The following ABR variants were observed in gnomAD, a reference collection of about 807,000 sequenced individuals.
ABR encodes active breakpoint cluster region-related protein.
In ABR, 35 loss-of-function variants were observed where a neutral mutation model predicts 107.2. The ratio of observed to expected loss-of-function variants is 0.33; its 90% confidence interval spans 0.25 to 0.43. The LOEUF (loss-of-function observed/expected upper bound fraction) is 0.43, where lower values mean the gene tolerates loss of function less well. Among genes scored for constraint, ABR ranks in the 20% least tolerant of loss-of-function variants. The pLI is 1.00. For synonymous variants in ABR, 498 were observed against 462.0 expected (o/e 1.08, Z -1.00); for missense variants, 815 against 1,115.2 (o/e 0.73, Z 3.83).
rs376436460 is a variant in ABR, at chr17:1,011,815, C to T, written c.2101+31G>A. ...CCACCAGCCTGCTCAGACACAGCCA[C>T]ACCTGCCCCGGCTGGGCCTCCCAGA... On this transcript the variant is annotated intron_variant, in intron 19 of 22. Transcript: ENST00000302538. This position sits in a 1 kb window ranked among gnomAD's most constrained non-coding sequence, Gnocchi z 4.8. 4.6e-4 allele frequency: 710 copies of T among 1,551,306 alleles called. 6 individuals are homozygous for T. The highest frequency in any genetic ancestry group is 3.8e-3 in the South Asian group (314 of 81,794).
chr17:1,107,722 C>T (rs2151380110), intron 2 of ABR, among the ~76,000 whole-genome samples: 1 of 152,304 alleles, frequency 6.6e-6, no homozygotes, highest in Non-Finnish European at 1.5e-5. Flanking sequence ...TCCCTGAGCC[C>T]ACGGGGAGAC....
chr17:1,144,360 C>A (rs528095985), intron 1 of ABR, among the ~76,000 whole-genome samples: 1 of 152,062 alleles, frequency 6.6e-6, no homozygotes, highest in East Asian at 1.9e-4. Context: ...AGCTCCGTTA[C>A]GAGTCGCCCA....
chr17:1,139,553 G>GTT (rs142898332), intron 1 of ABR, among the ~76,000 whole-genome samples: 44 of 149,952 alleles, frequency 2.9e-4, no homozygotes, highest in East Asian at 5.9e-4. Flanking sequence ...TGCCCGGCCT[G>GTT]TTTTTTTTTT....
chr17:1,049,998 G>C, intron 16 of ABR, 52 bp downstream of exon 16: 1 of 1,569,054 alleles, frequency 6.4e-7, no homozygotes, highest in Non-Finnish European at 8.6e-7. Context: ...CTTTTCAACT[G>C]GAACCACCTC....
chr17:1,179,487 G>T lies in ABR; in HGVS notation c.61+180C>A, dbSNP rs961801747. Among the ~76,000 whole-genome samples, 1 of 149,750 alleles carries T rather than the reference G, an allele frequency of 6.7e-6. No homozygotes were observed. Among genetic ancestry groups the T allele is most frequent in the Non-Finnish European group, 1.5e-5 (1 of 67,470 alleles). ...GCTCCTGGGTCCCGACCCCGATCCC[G>T]ATTCCCAACCCGACCCCGATCCGGA... is the stretch of plus-strand genomic sequence containing the variant. On this transcript the variant is annotated intron_variant, in intron 1 of 22. Transcript: ENST00000302538. The surrounding 1 kb of genome is among the most constrained non-coding windows in gnomAD (Gnocchi z 4.9).
intron 16 of ABR, among the ~76,000 whole-genome samples, chr17:1,036,356 C>T (rs765587119): frequency 6.6e-5 from 10 of 152,082 alleles, no homozygotes; most frequent in Admixed American, 2.6e-4. Context: ...GGATGGGGAC[C>T]GAGGGGATGT....
chr17:1,190,752 T>C (rs561662486), upstream of ABR, among the ~76,000 whole-genome samples: 4 of 152,340 alleles, frequency 2.6e-5, no homozygotes, highest in East Asian at 7.7e-4. Flanking sequence ...TCTCGCCGTC[T>C]GCTGGGATTC....
intron 22 of ABR, among the ~76,000 whole-genome samples, chr17:1,006,410 G>T (rs1027643534): frequency 6.6e-6 from 1 of 152,188 alleles, no homozygotes; most frequent in African/African-American, 2.4e-5. Context: ...GGCGGCCACA[G>T]TCCGGCCCCT....
At chr17:1,221,235 T>C (rs1316011844) in intron 1 of ABR, among the ~76,000 whole-genome samples, 1 of 152,184 alleles carries the variant, frequency 6.6e-6, no homozygotes, top group Non-Finnish European at 1.5e-5. Context: ...CAGCCTCTCT[T>C]ATACCTCGAG....
chr17:1,111,206 C>T (rs1019550977), intron 2 of ABR, among the ~76,000 whole-genome samples: 2 of 152,208 alleles, frequency 1.3e-5, no homozygotes, highest in African/African-American at 4.8e-5. Flanking sequence ...AGGATATCCT[C>T]GTCCCCGTTC....
chr17:1,175,582 C>A (rs980874608), intron 1 of ABR, among the ~76,000 whole-genome samples: 13 of 152,188 alleles, frequency 8.5e-5, no homozygotes, highest in African/African-American at 3.1e-4. Context: ...AAGGACTCTG[C>A]TCCCATCAGC....
intron 1 of ABR, among the ~76,000 whole-genome samples, chr17:1,198,331 T>G (rs2042608860): frequency 6.6e-6 from 1 of 151,584 alleles, no homozygotes; most frequent in African/African-American, 2.4e-5. Flanking sequence ...CTGCTGATTT[T>G]TAGTGTGACT....
At position 1,079,006 on chromosome 17, in the gene ABR, A is replaced by G. The variant is rs1411235344; in HGVS notation, c.700+324T>C. On this transcript the variant is annotated intron_variant, in intron 6 of 22. Coordinates refer to ENST00000302538, the MANE Select transcript of ABR (RefSeq NM_021962.5). ...GCCGCTCCGGAGTGCTCTTCCAGCAAGGGGGAGGGGAGGGAGGCGCGTGGC... is the reference window on the plus strand; with the variant it reads ...GCCGCTCCGGAGTGCTCTTCCAGCAGGGGGGAGGGGAGGGAGGCGCGTGGC... 4.2e-6 allele frequency: 5 copies of G among 1,194,420 alleles called. No homozygotes were observed. The African/African-American group carries it at 8.4e-5, about 20-fold the overall frequency. The allele number at this position is 1,194,420 out of a possible 1,614,324, so 74.0% of individuals were successfully genotyped here.
At chr17:1,046,284 G>C (rs1226176404) in intron 16 of ABR, among the ~76,000 whole-genome samples, 1 of 132,818 alleles carries the variant, frequency 7.5e-6, no homozygotes, top group Admixed American at 8.8e-5. Context: ...GATTACAGGC[G>C]TGGGCCCCAC....
chr17:1,043,144 C>G lies in ABR; in HGVS notation c.1791+6906G>C, dbSNP rs543827743. The stretch of plus-strand genomic sequence containing the variant: ...CAACGGCTGCACAGCACCAAATCCA[C>G]CTATGGCCACGGAGCTGTGCACCCA... On this transcript the variant is annotated intron_variant, in intron 16 of 22. Coordinates refer to ENST00000302538, the MANE Select transcript of ABR (RefSeq NM_021962.5). Among the ~76,000 whole-genome samples, 7 of 152,306 alleles carry G rather than the reference C, an allele frequency of 4.6e-5. No homozygotes were observed. In the East Asian group the frequency reaches 1.3e-3, roughly 29 times the overall value.
chr17:1,190,314 C>T (rs966893792), upstream of ABR, among the ~76,000 whole-genome samples: 8 of 152,190 alleles, frequency 5.3e-5, no homozygotes, highest in Admixed American at 2.6e-4. Context: ...AGTCCTTCTC[C>T]GAGGCCTGTC....
chr17:1,196,599 C>T (rs2042571327), intron 1 of ABR, among the ~76,000 whole-genome samples: 1 of 150,644 alleles, frequency 6.6e-6, no homozygotes, highest in Non-Finnish European at 1.5e-5. Context: ...CAGCCACACA[C>T]ACAGAACTTT....
chr17:1,098,554 C>G (rs1433330841), intron 3 of ABR, among the ~76,000 whole-genome samples: 1 of 152,188 alleles, frequency 6.6e-6, no homozygotes, highest in Non-Finnish European at 1.5e-5. Flanking sequence ...ACCCACTGTA[C>G]TGGTTTCACA....
At chr17:1,107,818 C>CA (rs1395309990) in intron 2 of ABR, among the ~76,000 whole-genome samples, 1 of 152,246 alleles carries the variant, frequency 6.6e-6, no homozygotes. Flanking sequence ...CCTACAGCTC[C>CA]ACTCCCCACC....
Sources: allele counts gnomAD v4.1 joint callset (sites outside exome capture counted in the v4.1 genomes callset), GRCh38; gene constraint gnomAD v4.1.1; non-coding constraint Gnocchi (gnomAD v3.1); transcripts MANE v1.5; gene names NCBI Gene and HGNC (gene_info 2026-07-23, HGNC 2026-07-21).